Variants in SLC25A12 observed in about 807,000 individuals in gnomAD.
The protein encoded by SLC25A12 is electrogenic aspartate/glutamate antiporter SLC25A12, mitochondrial.
In SLC25A12, 32 loss-of-function variants were observed where a neutral mutation model predicts 83.3. The observed-to-expected ratio is 0.38, with a 90% confidence interval of 0.29 to 0.52. SLC25A12 has a LOEUF of 0.52. Ranked by LOEUF, SLC25A12 falls within the 20% of genes least tolerant of loss-of-function variation. The probability of loss-of-function intolerance (pLI) is 0.84; values close to 1 mark genes in which losing one functional copy is unlikely to be tolerated. For synonymous variants in SLC25A12, 267 were observed against 291.1 expected, an observed-to-expected ratio of 0.92 and a Z score of 0.84; for missense variants, 611 against 835.6, an observed-to-expected ratio of 0.73 and a Z score of 3.31.
intron 2 of SLC25A12, among the ~76,000 whole-genome samples, chr2:171,872,510 G>A (rs1357616935): frequency 1.3e-5 from 2 of 152,156 alleles, no homozygotes; most frequent in Non-Finnish European, 2.9e-5. Flanking sequence ...CTGGAAAGAA[G>A]GATGGATACA....
At chr2:171,838,067 T>C (rs1178837412) in intron 5 of SLC25A12, among the ~76,000 whole-genome samples, 3 of 152,174 alleles carry the variant, frequency 2.0e-5, no homozygotes, top group Non-Finnish European at 2.9e-5. Flanking sequence ...CATGACTAAA[T>C]GCAAAAAACC....
chr2:171,822,540 T>C (rs1299022490), intron 9 of SLC25A12, among the ~76,000 whole-genome samples: 1 of 152,124 alleles, frequency 6.6e-6, no homozygotes, highest in Non-Finnish European at 1.5e-5. Flanking sequence ...CATACTACCA[T>C]GCCTGGCTAA....
At position 171,894,226 on chromosome 2, in the gene SLC25A12, A is replaced by C. The variant is rs1041084042; in HGVS notation, c.-12T>G. On this transcript the variant is annotated 5_prime_UTR_variant, in exon 1 of 18. Coordinates refer to ENST00000422440, the MANE Select transcript of SLC25A12 (RefSeq NM_003705.5). ...ACCTTGACCGCCATGCTGTGCTCGG[A>C]AGCCGGGGACGAGCGAGTGAGCGAG... 4 of 1,609,074 alleles carry C rather than the reference A, an allele frequency of 2.5e-6. No individual in the cohort carries two copies. Among genetic ancestry groups the C allele is most frequent in the African/African-American group, 2.7e-5 (2 of 74,862 alleles).
At chr2:171,806,555 G>A (rs1373951040) in intron 13 of SLC25A12, among the ~76,000 whole-genome samples, 1 of 152,082 alleles carries the variant, frequency 6.6e-6, no homozygotes, top group Non-Finnish European at 1.5e-5. Context: ...TCACTTCTAG[G>A]TCACTTCATG....
At chr2:171,849,107 T>C (rs1684858050) in intron 4 of SLC25A12, among the ~76,000 whole-genome samples, 1 of 152,116 alleles carries the variant, frequency 6.6e-6, no homozygotes, top group African/African-American at 2.4e-5. Flanking sequence ...GAAGGATCAC[T>C]AGAACCCAGG....
At position 171,844,349 on chromosome 2, in the gene SLC25A12, G is replaced by C. The variant is rs767661499; in HGVS notation, c.465+20C>G. 8 of 1,611,966 alleles carry C rather than the reference G, an allele frequency of 5.0e-6. No homozygotes were observed. The Admixed American group carries it at 1.2e-4, about 24-fold the overall frequency. ...AGAAGAATAGTATATATTGATACCT[G>C]TTATGAAAACTAAGCTCACCTGGAG... On this transcript the variant is annotated intron_variant, in intron 5 of 17. Coordinates refer to ENST00000422440, the MANE Select transcript of SLC25A12 (RefSeq NM_003705.5).
chr2:171,850,124 T>G (rs541383707), intron 4 of SLC25A12, among the ~76,000 whole-genome samples: 20 of 151,550 alleles, frequency 1.3e-4, no homozygotes, highest in South Asian at 4.2e-4. Context: ...TCCCTTTTTT[T>G]GGGGGTGGGG....
intron 5 of SLC25A12, among the ~76,000 whole-genome samples, chr2:171,840,595 CAA>C (rs769263300): frequency 2.0e-5 from 3 of 151,190 alleles, no homozygotes; most frequent in African/African-American, 7.3e-5. Flanking sequence ...TTCAGAAAAC[CAA>C]AAAGAGTTCC....
chr2:171,888,716 T>C (rs1574010665), intron 2 of SLC25A12, among the ~76,000 whole-genome samples: 1 of 152,134 alleles, frequency 6.6e-6, no homozygotes, highest in African/African-American at 2.4e-5. Context: ...TTGCTGGGAT[T>C]ACAGGTGTGA....
intron 2 of SLC25A12, among the ~76,000 whole-genome samples, chr2:171,887,210 G>A (rs1234020009): frequency 2.0e-5 from 3 of 152,138 alleles, no homozygotes; most frequent in East Asian, 1.9e-4. Context: ...AGGAGGAATC[G>A]CCCTTTGCTT....
intron 13 of SLC25A12, among the ~76,000 whole-genome samples, chr2:171,794,804 TATC>T (rs913263973): frequency 1.3e-5 from 2 of 152,200 alleles, no homozygotes; most frequent in Non-Finnish European, 2.9e-5. Flanking sequence ...ATGATATTCA[TATC>T]ATTATAATCA....
intron 3 of SLC25A12, 117 bp from the exon 4 acceptor site, chr2:171,856,066 G>C (rs1685039082): frequency 1.4e-6 from 1 of 719,260 alleles, no homozygotes; most frequent in African/African-American, 1.8e-5. Flanking sequence ...ATAAAGGGTA[G>C]TTTGTTTTTA....
chr2:171,847,777 G>A (rs960233018), intron 4 of SLC25A12, among the ~76,000 whole-genome samples: 10 of 152,162 alleles, frequency 6.6e-5, no homozygotes, highest in Non-Finnish European at 1.0e-4. Flanking sequence ...TTCACTTCCT[G>A]CAGAGCATGG....
rs924008545 is a variant in SLC25A12, at chr2:171,844,255, A to C, written c.465+114T>G. ...CTCTGGCGAGGGGGAAATTTAAAAA[A>C]TAGGAGTGAAATACCATGGAGAACT... is the stretch of plus-strand genomic sequence containing the variant. On this transcript the variant is annotated intron_variant, in intron 5 of 17. Transcript: ENST00000422440. 8.0e-6 allele frequency: 9 copies of C among 1,121,060 alleles called. No homozygotes were observed. The South Asian group carries it at 1.1e-4, about 14-fold the overall frequency. The allele number at this position is 1,121,060 out of a possible 1,614,324, so 69.4% of individuals were successfully genotyped here.
intron 15 of SLC25A12, among the ~76,000 whole-genome samples, chr2:171,790,121 C>T (rs13021138): frequency 0.25 from 38,176 of 152,188 alleles, 5,826 homozygotes; most frequent in Middle Eastern, 0.36. Context: ...GCAAGAACAA[C>T]GTGGTCCATC....
intron 4 of SLC25A12, among the ~76,000 whole-genome samples, chr2:171,846,754 C>T (rs1355032736): frequency 6.6e-6 from 1 of 151,952 alleles, no homozygotes; most frequent in Non-Finnish European, 1.5e-5. Flanking sequence ...TGCAGTGAGC[C>T]AAGATTGCGC....
intron 9 of SLC25A12, among the ~76,000 whole-genome samples, chr2:171,820,283 A>G (rs1684158436): frequency 1.3e-5 from 2 of 152,192 alleles, no homozygotes; most frequent in Admixed American, 1.3e-4. Context: ...TCCAGCTTAT[A>G]TTCCATAGTT....
intron 3 of SLC25A12, among the ~76,000 whole-genome samples, chr2:171,858,730 C>T (rs1012275628): frequency 1.6e-4 from 24 of 152,176 alleles, no homozygotes; most frequent in African/African-American, 5.1e-4. Flanking sequence ...ACTAGGTTTC[C>T]GGTCCCAAGT....
Position 171,785,383 on chromosome 2 carries a change from G to C in SLC25A12, c.1928C>G (p.Thr643Arg). The C allele has an allele frequency of 6.2e-7, 1 of 1,614,220 alleles. No individual in the cohort carries two copies. Among genetic ancestry groups the C allele is most frequent in the Non-Finnish European group, 8.5e-7 (1 of 1,180,026 alleles). Residue 643 changes from threonine to arginine, a missense_variant, in exon 18 of 18, where the codon ACA (threonine) becomes AGA (arginine). Coordinates refer to ENST00000422440, the MANE Select transcript of SLC25A12 (RefSeq NM_003705.5). ...PDHIGGYRLA[T>R]ATFAGIENKF... ...GTTTTCGATGCCTGCAAACGTGGCTGTGGCGAGTCTGTATCCACCGATGTG... is the reference window on the plus strand; with the variant it reads ...GTTTTCGATGCCTGCAAACGTGGCTCTGGCGAGTCTGTATCCACCGATGTG...
Sources: allele counts gnomAD v4.1 joint callset (sites outside exome capture counted in the v4.1 genomes callset), GRCh38; gene constraint gnomAD v4.1.1; transcripts MANE v1.5; gene names NCBI Gene and HGNC (gene_info 2026-07-23, HGNC 2026-07-21).